The following TNS3 variants were observed in gnomAD, a reference collection of about 807,000 sequenced individuals.
TNS3 encodes the protein tensin 3, also known as tensin-3.
Under a neutral mutation model 140.9 loss-of-function variants are expected in TNS3, and 45 were observed. The ratio of observed to expected loss-of-function variants is 0.32; its 90% CI spans 0.25 to 0.41. The LOEUF is 0.41. Ranked by LOEUF, TNS3 falls within the 10% of genes least tolerant of loss-of-function variation. The probability of loss-of-function intolerance (pLI) is 1.00; values close to 1 mark genes in which losing one functional copy is unlikely to be tolerated. For missense variants in TNS3, 1,716 were observed against 1,906.7 expected, an observed-to-expected ratio of 0.90 and a Z score of 1.86; for synonymous variants, 815 against 788.4, an observed-to-expected ratio of 1.03 and a Z score of -0.56.
intron 7 of TNS3, 26 bp from the exon 8 acceptor site, chr7:47,435,430 C>T (rs775973243): frequency 3.7e-6 from 6 of 1,610,836 alleles, no homozygotes; most frequent in South Asian, 2.2e-5. Flanking sequence ...GGAGCTTCCT[C>T]GGTTTCCATT....
intron 2 of TNS3, among the ~76,000 whole-genome samples, chr7:47,520,989 C>CA (rs751932142): frequency 1.8e-4 from 28 of 152,238 alleles, no homozygotes; most frequent in Non-Finnish European, 3.5e-4. Flanking sequence ...TTTATCTGCA[C>CA]AAATTCATCT....
At chr7:47,385,357 C>G (rs576647942) in intron 16 of TNS3, among the ~76,000 whole-genome samples, 1 of 152,338 alleles carries the variant, frequency 6.6e-6, no homozygotes, top group East Asian at 1.9e-4. Context: ...TTGTGCAGCT[C>G]GTGAGCAGCA....
At chr7:47,442,611 CTG>C (rs1241236679) in intron 4 of TNS3, among the ~76,000 whole-genome samples, 1 of 152,198 alleles carries the variant, frequency 6.6e-6, no homozygotes, top group Non-Finnish European at 1.5e-5. Flanking sequence ...TGCCCAGCAA[CTG>C]TGTGAGTAAG....
At position 47,368,687 on chromosome 7, in the gene TNS3, G is replaced by C. The variant is rs749963072; in HGVS notation, c.1959C>G (p.Pro653=). The part of the protein sequence containing the change: ...VQRGVGSGPH[P]PDTQQPSPSK... ...TGGGAGAGGGCTGCTGTGTGTCAGGGGGATGTGGCCCACTGCCTACACCCC... is the reference window on the plus strand; with the variant it reads ...TGGGAGAGGGCTGCTGTGTGTCAGGCGGATGTGGCCCACTGCCTACACCCC... The change falls in exon 17 of 31, where the codon CCC becomes CCG. Residue 653 remains proline (P), a synonymous_variant. Transcript: ENST00000311160. The C allele has an allele frequency of 1.3e-6, 2 of 1,593,594 alleles. No individual in the cohort carries two copies. The highest frequency in any genetic ancestry group is 1.7e-6 in the Non-Finnish European group (2 of 1,170,918).
At chr7:47,476,842 T>C (rs1171185229) in intron 4 of TNS3, among the ~76,000 whole-genome samples, 1 of 152,196 alleles carries the variant, frequency 6.6e-6, no homozygotes, top group African/African-American at 2.4e-5. Flanking sequence ...AAAGGGAGGT[T>C]TGCCTCCCAG....
In TNS3 at chr7:47,423,207, T is replaced by C. The variant is rs572022385; in HGVS notation, c.473+894A>G. 9.2e-5 allele frequency among the ~76,000 whole-genome samples: 14 copies of C among 152,326 alleles called. No individual in the cohort carries two copies. In the South Asian group the frequency reaches 2.9e-3, roughly 32 times the overall value. On this transcript the variant is annotated intron_variant, in intron 10 of 30. Transcript: ENST00000311160. ...ACAAGGTCGGGTGTGCAACTACCTG[T>C]CTCCAAAACGGAACACCATTTGGCA...
chr7:47,297,806 G>C (rs1459112599), intron 23 of TNS3, among the ~76,000 whole-genome samples: 1 of 69,876 alleles, frequency 1.4e-5, no homozygotes, highest in African/African-American at 6.2e-5. Flanking sequence ...TTTTTTTTTT[G>C]AGATGGAGTC....
intron 27 of TNS3, among the ~76,000 whole-genome samples, chr7:47,285,416 G>A (rs145026285): frequency 1.1e-4 from 17 of 152,230 alleles, no homozygotes; most frequent in African/African-American, 2.4e-4. Context: ...TGCTGTTCTC[G>A]TAATAGTGAG....
At chr7:47,389,074 A>AGAGGAAGAG (rs1209397333) in intron 16 of TNS3, among the ~76,000 whole-genome samples, 2 of 64,574 alleles carry the variant, frequency 3.1e-5, no homozygotes, top group African/African-American at 1.3e-4. Flanking sequence ...AAGAAGAAGA[A>AGAGGAAGAG]GAAGAAGAAG....
chr7:47,509,802 G>T (rs1052454500), intron 2 of TNS3, among the ~76,000 whole-genome samples: 2 of 151,928 alleles, frequency 1.3e-5, no homozygotes, highest in Non-Finnish European at 2.9e-5. Context: ...AGCTGCCTCC[G>T]TTCCTGAGTT....
chr7:47,280,455 G>T, intron 28 of TNS3, 101 bp from the exon 29 acceptor site: 1 of 1,062,866 alleles, frequency 9.4e-7, no homozygotes, highest in Non-Finnish European at 1.5e-6. Flanking sequence ...GATTCTTCCA[G>T]CAGAAAACAT....
chr7:47,376,255 T>C (rs1791378235), intron 16 of TNS3, among the ~76,000 whole-genome samples: 1 of 152,182 alleles, frequency 6.6e-6, no homozygotes, highest in Non-Finnish European at 1.5e-5. Flanking sequence ...GGCATCCGAA[T>C]AGACAGATCA....
intron 8 of TNS3, among the ~76,000 whole-genome samples, chr7:47,430,459 G>A (rs1794875459): frequency 6.6e-6 from 1 of 152,014 alleles, no homozygotes; most frequent in Non-Finnish European, 1.5e-5. Flanking sequence ...GATCTGAAGG[G>A]ACAGATAGAA....
intron 16 of TNS3, among the ~76,000 whole-genome samples, chr7:47,390,748 C>T (rs892232014): frequency 6.6e-6 from 1 of 152,212 alleles, no homozygotes; most frequent in Non-Finnish European, 1.5e-5. Flanking sequence ...TGCTGCTCAA[C>T]CCTTCCTCTA....
At chr7:47,502,812 CT>C (rs557959120) in intron 3 of TNS3, among the ~76,000 whole-genome samples, 44 of 152,346 alleles carry the variant, frequency 2.9e-4, no homozygotes, top group African/African-American at 1.0e-3. Context: ...CCTCTCTCCT[CT>C]TGCTGCACTC....
At chr7:47,390,101 G>A (rs10247865) in intron 16 of TNS3, among the ~76,000 whole-genome samples, 18 of 152,146 alleles carry the variant, frequency 1.2e-4, no homozygotes, top group African/African-American at 3.9e-4. Context: ...AGCACTCCAC[G>A]TTGCCAACAA....
chr7:47,319,395 G>C (rs1787598778), intron 20 of TNS3, among the ~76,000 whole-genome samples: 1 of 152,070 alleles, frequency 6.6e-6, no homozygotes, highest in Admixed American at 6.5e-5. Context: ...GAGAGAGTGA[G>C]AGAGTGATAG....
rs1789333153 is a variant in TNS3, at chr7:47,346,236, T to A, written c.2402A>T (p.Asp801Val). ...SKCAWGKAGV[D>V]YAPNLPPFPS... is the part of the protein sequence containing the mutation. ...GAATGGCGGCAGGTTTGGGGCATAG[T>A]CCACACCAGCCTTTCCCCATGCACA... The change falls in exon 18 of 31, where the codon GAC (aspartate) becomes GTC (valine). Residue 801 changes from aspartate (D) to valine (V), a missense_variant. Transcript: ENST00000311160. The A allele has an allele frequency of 1.2e-6, 2 of 1,614,134 alleles. No homozygotes were observed. Among genetic ancestry groups the A allele is most frequent in the South Asian group, 1.1e-5 (1 of 91,088 alleles).
chr7:47,580,977 A>G (rs1177654378), intron 1 of TNS3, among the ~76,000 whole-genome samples: 1 of 152,138 alleles, frequency 6.6e-6, no homozygotes, highest in African/African-American at 2.4e-5. Context: ...ATGCGCCCCA[A>G]GGAAGCCTGG....
Sources: gnomAD v4.1 joint callset for allele counts (sites outside exome capture counted in the v4.1 genomes callset) on GRCh38, gnomAD v4.1.1 for gene constraint, MANE v1.5 for transcripts, NCBI Gene and HGNC (gene_info 2026-07-23, HGNC 2026-07-21) for gene names.